The following ATP8A1 variants were observed in gnomAD, a reference collection of about 807,000 sequenced individuals.
ATP8A1 encodes phospholipid-transporting ATPase IA.
A neutral mutation model predicts 177.7 loss-of-function variants in ATP8A1; 90 were observed. The observed-to-expected ratio is 0.51, with a 90% confidence interval of 0.43 to 0.60. ATP8A1 has a LOEUF of 0.60. ATP8A1 is among the 20% of genes least tolerant of loss of function. The pLI is 0.00. For missense variants in ATP8A1, 1,072 were observed against 1,392.8 expected (o/e 0.77, Z 3.67); for synonymous variants, 493 against 485.9 (o/e 1.01, Z -0.19).
At chr4:42,648,296 G>A (rs891085023) in intron 1 of ATP8A1, among the ~76,000 whole-genome samples, 1 of 147,112 alleles carries the variant, frequency 6.8e-6, no homozygotes, top group Non-Finnish European at 1.5e-5. Flanking sequence ...AATATTTTTT[G>A]TTATGTTGCA....
At chr4:42,580,015 C>A (rs1206947972) in intron 10 of ATP8A1, 37 bp from the exon 11 acceptor site, 1 of 1,507,758 alleles carries the variant, frequency 6.6e-7, no homozygotes, top group South Asian at 1.2e-5. Flanking sequence ...AAAAAATGTA[C>A]ACCAATGATT....
intron 5 of ATP8A1, among the ~76,000 whole-genome samples, chr4:42,608,204 C>A (rs1735998790): frequency 6.6e-6 from 1 of 152,110 alleles, no homozygotes; most frequent in East Asian, 1.9e-4. Context: ...TCTCAGGACC[C>A]AATCAAATAA....
At chr4:42,425,532 C>T (rs935673712) in intron 33 of ATP8A1, among the ~76,000 whole-genome samples, 6 of 152,020 alleles carry the variant, frequency 3.9e-5, no homozygotes, top group South Asian at 2.1e-4. Flanking sequence ...GCATTAAAGA[C>T]AGAGAGTCTC....
intron 5 of ATP8A1, among the ~76,000 whole-genome samples, chr4:42,606,047 T>G (rs928425470): frequency 1.3e-5 from 2 of 152,220 alleles, no homozygotes; most frequent in Non-Finnish European, 2.9e-5. Flanking sequence ...TTTCTTTCCC[T>G]TTTAAAATTT....
At chr4:42,507,803 A>ACAAAAC (rs1560402980) in intron 22 of ATP8A1, among the ~76,000 whole-genome samples, 3 of 146,670 alleles carry the variant, frequency 2.0e-5, no homozygotes, top group East Asian at 3.9e-4. Context: ...AAAAAAAAAA[A>ACAAAAC]AAAAAACATA....
At chr4:42,515,706 C>T (rs1229815700) in intron 22 of ATP8A1, among the ~76,000 whole-genome samples, 1 of 152,184 alleles carries the variant, frequency 6.6e-6, no homozygotes, top group Non-Finnish European at 1.5e-5. Context: ...AGTTCACTAC[C>T]TATCTCCCAC....
chr4:42,552,693 G>A (rs1177552948), intron 16 of ATP8A1, 83 bp from the exon 17 acceptor site: 1 of 1,017,908 alleles, frequency 9.8e-7, no homozygotes, highest in South Asian at 1.4e-5. Context: ...TGTCTATTAA[G>A]AACATAGTTG....
chr4:42,581,546 C>A (rs1268006557), intron 10 of ATP8A1, 75 bp downstream of exon 10: 2 of 1,032,384 alleles, frequency 1.9e-6, no homozygotes, highest in Non-Finnish European at 1.5e-6. Context: ...TGTTTGGGAC[C>A]ACTGCACTGA....
At position 42,588,287 on chromosome 4, in the gene ATP8A1, AT is replaced by A. The variant is rs1467561426; in HGVS notation, c.566del (p.Asp189ValfsTer6). The A allele has an allele frequency of 3.7e-6, 6 of 1,613,786 alleles. No individual in the cohort carries two copies. Among genetic ancestry groups the A allele is most frequent in the Non-Finnish European group, 5.1e-6 (6 of 1,179,880 alleles). ...AMCYIETSNL[D>X]GETNLKIRQG... Reference sequence around the variant, plus strand: ...GTCTAATTTTCAAGTTTGTTTCACCATCTAAGTTGGATGTTTCAATGTAGCA... The same window carrying A: ...GTCTAATTTTCAAGTTTGTTTCACCACTAAGTTGGATGTTTCAATGTAGCA... On this transcript the variant is annotated frameshift_variant, in exon 8 of 37. Coordinates refer to ENST00000381668, the MANE Select transcript of ATP8A1 (RefSeq NM_006095.2). LOFTEE classifies it high-confidence loss of function.
chr4:42,474,887 A>G (rs978444089), intron 25 of ATP8A1, among the ~76,000 whole-genome samples: 4 of 151,926 alleles, frequency 2.6e-5, no homozygotes, highest in African/African-American at 9.7e-5. Context: ...TGACCTAGAG[A>G]GTGAAAGTTA....
intron 20 of ATP8A1, among the ~76,000 whole-genome samples, chr4:42,537,261 G>GC (rs1348116622): frequency 6.6e-6 from 1 of 151,592 alleles, no homozygotes; most frequent in Non-Finnish European, 1.5e-5. Flanking sequence ...CACAGAAGAG[G>GC]CATACCTTAA....
chr4:42,423,734 T>A, intron 33 of ATP8A1, 29 bp from the exon 34 acceptor site: 1 of 1,475,476 alleles, frequency 6.8e-7, no homozygotes, highest in Non-Finnish European at 9.4e-7. Context: ...AAAACATTAC[T>A]TTAAAACCAA....
chr4:42,532,887 TA>T (rs1477159634), intron 20 of ATP8A1, among the ~76,000 whole-genome samples: 1 of 152,194 alleles, frequency 6.6e-6, no homozygotes, highest in East Asian at 1.9e-4. Flanking sequence ...CCCTCACCCT[TA>T]AGAAGGTACT....
rs16854460 is a variant in ATP8A1 at position 42,517,571 on chromosome 4, T to C, written c.1947+4589A>G. Among the ~76,000 whole-genome samples, 982 of 152,344 alleles carry C rather than the reference T, an allele frequency of 6.4e-3. 9 individuals are homozygous for C. The highest frequency in any genetic ancestry group is 0.022 in the African/African-American group (933 of 41,576). On this transcript the variant is annotated intron_variant, in intron 22 of 36. Coordinates refer to ENST00000381668, the MANE Select transcript of ATP8A1 (RefSeq NM_006095.2). Reference sequence around the variant, plus strand: ...AAGACAACTGAAATATCCCATATGATAATCCCATCTGCATTCTAACCATGT... The same window carrying C: ...AAGACAACTGAAATATCCCATATGACAATCCCATCTGCATTCTAACCATGT...
At position 42,590,743 on chromosome 4, in the gene ATP8A1, T is replaced by G. The variant is rs1371607230; in HGVS notation, c.524+68A>C. 8 of 1,424,448 alleles carry G rather than the reference T, an allele frequency of 5.6e-6. No homozygotes were observed. The East Asian group carries it at 1.8e-4, about 33-fold the overall frequency. The allele number at this position is 1,424,448 out of a possible 1,614,324, so 88.2% of individuals were successfully genotyped here. A position where few individuals can be genotyped will look rare whatever the true frequency, so the allele number is the denominator to read the frequency against. ...GACACAGAACTCAACCATATTTGGGTGCAACTGTTCTCCGGTTTACGGTGA... is the reference window on the plus strand; with the variant it reads ...GACACAGAACTCAACCATATTTGGGGGCAACTGTTCTCCGGTTTACGGTGA... On this transcript the variant is annotated intron_variant, in intron 7 of 36. Coordinates refer to ENST00000381668, the MANE Select transcript of ATP8A1 (RefSeq NM_006095.2).
chr4:42,621,412 T>C (rs1273378566), intron 4 of ATP8A1, among the ~76,000 whole-genome samples: 1 of 152,240 alleles, frequency 6.6e-6, no homozygotes, highest in African/African-American at 2.4e-5. Flanking sequence ...TTCTCACCAT[T>C]TCCTGGCTTT....
At chr4:42,568,590 G>T (rs1388574148) in intron 15 of ATP8A1, among the ~76,000 whole-genome samples, 6 of 152,050 alleles carry the variant, frequency 3.9e-5, no homozygotes, top group Non-Finnish European at 7.4e-5. Context: ...CCCATAAAAC[G>T]CTAACTTTAA....
chr4:42,520,441 T>C lies in ATP8A1; in HGVS notation c.1947+1719A>G, dbSNP rs138397041. Among the ~76,000 whole-genome samples the C allele has an allele frequency of 6.6e-4, 100 of 152,268 alleles. 1 individual carries two copies. The highest frequency in any genetic ancestry group is 2.3e-3 in the African/African-American group (96 of 41,538). On this transcript the variant is annotated intron_variant, in intron 22 of 36. Transcript: ENST00000381668. ...ATGCTTTAAGATATGTGACTTTAGT[T>C]GGGCAGATTAAAAGAGATTGTGATT...
At chr4:42,469,347 C>CA (rs1720144771) in intron 25 of ATP8A1, among the ~76,000 whole-genome samples, 1 of 152,156 alleles carries the variant, frequency 6.6e-6, no homozygotes. Flanking sequence ...AGAGCATGTA[C>CA]ACACCCAAGA....
Sources: allele counts gnomAD v4.1 joint callset (sites outside exome capture counted in the v4.1 genomes callset), GRCh38; gene constraint gnomAD v4.1.1; transcripts MANE v1.5; gene names NCBI Gene and HGNC (gene_info 2026-07-23, HGNC 2026-07-21).